Variants in BANK1 observed in about 807,000 individuals in gnomAD.
BANK1 encodes the protein B cell scaffold protein with ankyrin repeats 1.
Under a neutral mutation model 94.5 loss-of-function variants are expected in BANK1, and 95 were observed. That is an observed-to-expected ratio of 1.00 (90% confidence interval 0.85 to 1.19). The LOEUF (loss-of-function observed/expected upper bound fraction) is 1.19, where lower values mean the gene tolerates loss of function less well. Ranked by LOEUF, BANK1 falls within the 50% of genes most tolerant of loss-of-function variation. BANK1 has a pLI of 0.00. For synonymous variants in BANK1, 334 were observed against 308.4 expected (o/e 1.08, Z -0.87); for missense variants, 987 against 932.2 (o/e 1.06, Z -0.77).
intron 12 of BANK1, 164 bp from the exon 13 acceptor site, chr4:102,062,911 A>G: frequency 1.7e-6 from 1 of 585,372 alleles, no homozygotes; most frequent in South Asian, 2.2e-5. Context: ...TGTGAGAATT[A>G]AGTAAGATAA....
intron 1 of BANK1, among the ~76,000 whole-genome samples, chr4:101,823,940 A>T (rs1726268570): frequency 6.6e-6 from 1 of 152,234 alleles, no homozygotes; most frequent in African/African-American, 2.4e-5. Flanking sequence ...ACTTGAGTAC[A>T]GGTATTTGAT....
rs536690755 is a variant in BANK1 at position 101,828,895 on chromosome 4, C to T, written c.71-913C>T. Among the ~76,000 whole-genome samples the T allele has an allele frequency of 3.3e-5, 5 of 151,834 alleles. No homozygotes were observed. In the East Asian group the frequency reaches 9.7e-4, roughly 29 times the overall value. ...CTTTTTTTTTTGAGACAGAGTCTCA[C>T]TCTGTTGCCCAGGCTGGAGTGCAGT... On this transcript the variant is annotated intron_variant, in intron 1 of 16. Coordinates refer to ENST00000322953, the MANE Select transcript of BANK1 (RefSeq NM_017935.5).
chr4:101,895,222 T>C, intron 5 of BANK1, 83 bp from the exon 6 acceptor site: 2 of 686,242 alleles, frequency 2.9e-6, no homozygotes, highest in South Asian at 4.1e-5. Context: ...CTCCAGTTAA[T>C]AAATTTTTGT....
At chr4:101,884,238 T>G (rs916855603) in intron 5 of BANK1, among the ~76,000 whole-genome samples, 8 of 152,218 alleles carry the variant, frequency 5.3e-5, no homozygotes, top group Admixed American at 4.6e-4. Context: ...CAAACGAGTA[T>G]ACATCAGTTA....
intron 7 of BANK1, 62 bp from the exon 8 acceptor site, chr4:102,021,452 C>A: frequency 1.7e-6 from 1 of 603,582 alleles, no homozygotes; most frequent in Non-Finnish European, 2.8e-6. Context: ...CTTATTTGCA[C>A]AGGCATCCAG....
At chr4:102,000,662 G>C (rs1266298023) in intron 7 of BANK1, among the ~76,000 whole-genome samples, 2 of 152,286 alleles carry the variant, frequency 1.3e-5, no homozygotes, top group East Asian at 3.9e-4. Flanking sequence ...AATAATTCAG[G>C]TAAGCAATTA....
intron 1 of BANK1, among the ~76,000 whole-genome samples, chr4:101,821,488 G>A (rs545923065): frequency 3.9e-5 from 6 of 152,072 alleles, no homozygotes; most frequent in South Asian, 2.1e-4. Context: ...CTTTTGTTGC[G>A]ATTGCTTTTG....
intron 5 of BANK1, among the ~76,000 whole-genome samples, chr4:101,881,136 A>G (rs1214556582): frequency 6.6e-6 from 1 of 152,124 alleles, no homozygotes; most frequent in Non-Finnish European, 1.5e-5. Context: ...TGAAGAGACT[A>G]CTCACAGAAT....
chr4:101,989,383 A>G lies in BANK1; in HGVS notation c.1207-32131A>G, dbSNP rs940436494. Among the ~76,000 whole-genome samples, 130 of 148,034 alleles carry G rather than the reference A, an allele frequency of 8.8e-4. 1 individual carries two copies. Among genetic ancestry groups the G allele is most frequent in the African/African-American group, 3.1e-3 (123 of 39,870 alleles). On this transcript the variant is annotated intron_variant, in intron 7 of 16. Coordinates refer to ENST00000322953, the MANE Select transcript of BANK1 (RefSeq NM_017935.5). ...GAGGCAGAGGTTGCAGTGAGCCGAG[A>G]TCATGCCATTGCACTCCAGCCTGGG...
At chr4:101,986,512 A>G (rs1725486104) in intron 7 of BANK1, among the ~76,000 whole-genome samples, 1 of 151,972 alleles carries the variant, frequency 6.6e-6, no homozygotes, top group Non-Finnish European at 1.5e-5. Flanking sequence ...AAAAATATGG[A>G]TGATAATTTA....
chr4:102,062,856 AT>A (rs1296614498), intron 12 of BANK1: 3 of 492,272 alleles, frequency 6.1e-6, no homozygotes, highest in Non-Finnish European at 1.1e-5. Context: ...CAGTTTCCAT[AT>A]CTACAACATG....
At chr4:101,791,890 A>C (rs1468626140) in intron 1 of BANK1, among the ~76,000 whole-genome samples, 1 of 152,216 alleles carries the variant, frequency 6.6e-6, no homozygotes, top group Non-Finnish European at 1.5e-5. Flanking sequence ...GTGACAAGAA[A>C]GGACTTAGAG....
At chr4:101,928,250 G>T (rs374698119) in intron 7 of BANK1, among the ~76,000 whole-genome samples, 11 of 151,560 alleles carry the variant, frequency 7.3e-5, no homozygotes, top group Non-Finnish European at 1.2e-4. Flanking sequence ...TCCCAAATAC[G>T]TCTTATTAGC....
intron 7 of BANK1, among the ~76,000 whole-genome samples, chr4:101,944,935 G>C (rs183596073): frequency 1.7e-4 from 26 of 152,082 alleles, no homozygotes; most frequent in Middle Eastern, 3.4e-3. Context: ...AAGCAAGTGT[G>C]TGCGGAAAAT....
In BANK1 at chr4:102,074,503, G is replaced by C. The variant is rs1050416448; in HGVS notation, c.*504G>C. 4 of 152,000 alleles carry C rather than the reference G, an allele frequency of 2.6e-5. No homozygotes were observed. Among genetic ancestry groups the C allele is most frequent in the African/African-American group, 9.7e-5 (4 of 41,428 alleles). 9.4% of individuals were successfully genotyped at this position (152,000 alleles called of 1,614,324 possible). A position where few individuals can be genotyped will look rare whatever the true frequency, so the allele number is the denominator to read the frequency against. On this transcript the variant is annotated 3_prime_UTR_variant, in exon 17 of 17. Coordinates refer to ENST00000322953, the MANE Select transcript of BANK1 (RefSeq NM_017935.5). ...TCATTATTGTTACATCATGTTTGCA[G>C]AAACCTTGTCTTATTTAGTGTCTAT... is the stretch of plus-strand genomic sequence containing the variant.
intron 7 of BANK1, among the ~76,000 whole-genome samples, chr4:101,979,526 CAT>C (rs1336707245): frequency 1.3e-5 from 2 of 151,712 alleles, no homozygotes; most frequent in African/African-American, 4.8e-5. Flanking sequence ...TTCAGAAAGA[CAT>C]ATAAACTGAG....
At chr4:101,834,345 T>C (rs1039542866) in intron 2 of BANK1, among the ~76,000 whole-genome samples, 3 of 152,196 alleles carry the variant, frequency 2.0e-5, no homozygotes, top group African/African-American at 7.2e-5. Flanking sequence ...GATGTGCCAA[T>C]TGGAAAATAT....
chr4:102,060,273 G>A lies in BANK1; in HGVS notation c.2032G>A (p.Glu678Lys), dbSNP rs750834847. 2 of 1,609,850 alleles carry A rather than the reference G, an allele frequency of 1.2e-6. No individual in the cohort carries two copies. Among genetic ancestry groups the A allele is most frequent in the South Asian group, 1.1e-5 (1 of 90,222 alleles). ...CAGGGGCTGTCTAACTGATGGTCAG[G>A]AAGAACTCATCCTCCTGCAGGAGAA... ...TLRGCLTDGQEELILLQEKVK... is the reference protein window; with the variant it reads ...TLRGCLTDGQKELILLQEKVK... The change falls in exon 12 of 17, where the codon GAA (glutamate) becomes AAA (lysine). Residue 678 changes from glutamate to lysine, a missense_variant. Physicochemically the swap from Glu to Lys is moderately conservative, Grantham distance 56. Coordinates refer to ENST00000322953, the MANE Select transcript of BANK1 (RefSeq NM_017935.5).
intron 1 of BANK1, among the ~76,000 whole-genome samples, chr4:101,795,309 A>G (rs1725118239): frequency 6.6e-6 from 1 of 152,174 alleles, no homozygotes; most frequent in Non-Finnish European, 1.5e-5. Flanking sequence ...ACTCTGGACA[A>G]CAAGTCATAT....
Sources: gnomAD v4.1 joint callset for allele counts (sites outside exome capture counted in the v4.1 genomes callset) on GRCh38, gnomAD v4.1.1 for gene constraint, MANE v1.5 for transcripts, NCBI Gene and HGNC (gene_info 2026-07-23, HGNC 2026-07-21) for gene names.